CAST: variants seen among roughly 807,000 people sequenced by gnomAD.
CAST encodes the protein MIR583 host.
CAST carries 76 observed loss-of-function variants against 119.6 expected under a neutral mutation model. That is an observed-to-expected ratio of 0.64 (90% CI 0.53 to 0.77). CAST has a LOEUF of 0.77. CAST is among the 30% of genes least tolerant of loss of function. The pLI is 0.00. For synonymous variants in CAST, 319 were observed against 331.6 expected (o/e 0.96, Z 0.41); for missense variants, 953 against 946.5 (o/e 1.01, Z -0.09).
At chr5:96,398,829 AT>A in the CAST span, 1 of 1,409,984 alleles carries the variant, frequency 7.1e-7, no homozygotes, top group South Asian at 1.2e-5. Context: ...TATTTGAATC[AT>A]TCAACTTACA....
the CAST span, among the ~76,000 whole-genome samples, chr5:96,101,636 G>A: frequency 2.6e-5 from 4 of 152,108 alleles, no homozygotes; most frequent in Non-Finnish European, 5.9e-5. Context: ...TGACAGAAGT[G>A]CCTCATTTAT....
At chr5:96,489,471 A>T in the CAST span, among the ~76,000 whole-genome samples, 4 of 152,208 alleles carry the variant, frequency 2.6e-5, no homozygotes, top group Non-Finnish European at 5.9e-5. Flanking sequence ...ACATTTTCAA[A>T]ATTGTATGTA....
chr5:96,301,627 G>A, the CAST span, among the ~76,000 whole-genome samples: 21 of 152,120 alleles, frequency 1.4e-4, no homozygotes, highest in African/African-American at 2.7e-4. Flanking sequence ...GAAATCAGCC[G>A]AAACAAAGGG....
the CAST span, among the ~76,000 whole-genome samples, chr5:96,419,722 G>A: frequency 6.6e-6 from 1 of 151,796 alleles, no homozygotes; most frequent in Non-Finnish European, 1.5e-5. Flanking sequence ...AGCATTATAT[G>A]GGCTGCTTCC....
the CAST span, among the ~76,000 whole-genome samples, chr5:96,126,141 G>T: frequency 2.6e-5 from 4 of 152,044 alleles, no homozygotes; most frequent in Non-Finnish European, 5.9e-5. Flanking sequence ...ATAGATTTTT[G>T]CTCCATGAAG....
At chr5:96,610,189 C>T (rs1747333216) in intron 1 of CAST, among the ~76,000 whole-genome samples, 1 of 152,192 alleles carries the variant, frequency 6.6e-6, no homozygotes, top group Non-Finnish European at 1.5e-5. Flanking sequence ...GTAAGATGTG[C>T]CTTTGCTCTT....
the CAST span, among the ~76,000 whole-genome samples, chr5:96,272,056 A>G: frequency 2.6e-5 from 4 of 152,174 alleles, no homozygotes; most frequent in Non-Finnish European, 4.4e-5. Flanking sequence ...TCAAAACCAT[A>G]ATGAGATATC....
chr5:96,544,636 G>A (rs958605682), intron 1 of CAST, among the ~76,000 whole-genome samples: 2 of 151,970 alleles, frequency 1.3e-5, no homozygotes, highest in South Asian at 2.1e-4. Flanking sequence ...TAATTGATAA[G>A]CTGAGAGATA....
intron 3 of CAST, among the ~76,000 whole-genome samples, chr5:96,713,875 T>C (rs1223546308): frequency 6.6e-6 from 1 of 152,050 alleles, no homozygotes; most frequent in African/African-American, 2.4e-5. Flanking sequence ...CTTGGGAGGC[T>C]GAGACCGGAG....
the CAST span, among the ~76,000 whole-genome samples, chr5:95,988,808 C>T: frequency 2.6e-5 from 4 of 152,008 alleles, no homozygotes; most frequent in Admixed American, 6.6e-5. Context: ...ATCTGACACC[C>T]GATAAATGCT....
chr5:96,320,228 CT>C, the CAST span, among the ~76,000 whole-genome samples: 12,135 of 93,916 alleles, frequency 0.13, 246 homozygotes, highest in Non-Finnish European at 0.14. Context: ...AAGGCTTTTG[CT>C]TTTTTTTTTT....
chr5:96,567,719 C>T (rs1207255540), intron 1 of CAST, among the ~76,000 whole-genome samples: 1 of 152,132 alleles, frequency 6.6e-6, no homozygotes, highest in Non-Finnish European at 1.5e-5. Context: ...ACATTTACAG[C>T]CAGTCACGTA....
the CAST span, among the ~76,000 whole-genome samples, chr5:96,510,188 G>C: frequency 6.6e-6 from 1 of 152,162 alleles, no homozygotes; most frequent in Non-Finnish European, 1.5e-5. Context: ...AATAGTCTGT[G>C]AGTCAGAGTA....
chr5:95,984,446 G>A, the CAST span, among the ~76,000 whole-genome samples: 1 of 152,086 alleles, frequency 6.6e-6, no homozygotes, highest in Non-Finnish European at 1.5e-5. Flanking sequence ...GAAGCTTACA[G>A]TAAGTGACCT....
the CAST span, chr5:96,429,173 A>G: frequency 9.9e-7 from 1 of 1,009,760 alleles, no homozygotes; most frequent in Admixed American, 1.7e-5. Flanking sequence ...AAAGCAGATA[A>G]GCTAGAGTAT....
intron 18 of CAST, among the ~76,000 whole-genome samples, 196 bp downstream of exon 18, chr5:96,747,588 C>T (rs559700266): frequency 2.0e-5 from 3 of 152,236 alleles, no homozygotes; most frequent in Non-Finnish European, 4.4e-5. Context: ...TGATCTTCCT[C>T]ATAAATCATT....
At chr5:96,470,365 C>T in the CAST span, among the ~76,000 whole-genome samples, 2 of 151,934 alleles carry the variant, frequency 1.3e-5, no homozygotes, top group African/African-American at 4.8e-5. Context: ...TATGGATCAT[C>T]ATGCACTATA....
rs115299460 is a variant in CAST at position 96,643,177 on chromosome 5, T to C, written c.61-32362T>C. Among the ~76,000 whole-genome samples, 1,108 of 152,290 alleles carry C rather than the reference T, an allele frequency of 7.3e-3. 8 individuals are homozygous for C. Among genetic ancestry groups the C allele is most frequent in the Non-Finnish European group, 0.014 (923 of 68,032 alleles). On this transcript the variant is annotated intron_variant, in intron 1 of 11. Transcript: ENST00000505143. ...GCTGGGATGCAAGACACCTTGAGAGTAGGGCACTGAGATTATATTTCAAAA... is the reference window on the plus strand; with the variant it reads ...GCTGGGATGCAAGACACCTTGAGAGCAGGGCACTGAGATTATATTTCAAAA...
At chr5:96,514,337 G>A in the CAST span, among the ~76,000 whole-genome samples, 1 of 152,144 alleles carries the variant, frequency 6.6e-6, no homozygotes, top group Non-Finnish European at 1.5e-5. Flanking sequence ...TAAGGAGCCT[G>A]CAAAAATGAA....
Sources: gnomAD v4.1 joint callset for allele counts (sites outside exome capture counted in the v4.1 genomes callset) on GRCh38, gnomAD v4.1.1 for gene constraint, MANE v1.5 for transcripts, NCBI Gene and HGNC (gene_info 2026-07-23, HGNC 2026-07-21) for gene names.